Variants in GABBR2 observed in about 807,000 individuals in gnomAD.
GABBR2 encodes G-protein coupled receptor 51.
Under a neutral mutation model 105.6 loss-of-function variants are expected in GABBR2, and 23 were observed. The observed-to-expected ratio is 0.22, with a 90% CI of 0.16 to 0.31. GABBR2 has a LOEUF of 0.31. GABBR2 is among the 10% of genes least tolerant of loss of function. The probability of loss-of-function intolerance (pLI) is 1.00; values close to 1 mark genes in which losing one functional copy is unlikely to be tolerated. For synonymous variants in GABBR2, 478 were observed against 499.7 expected, an observed-to-expected ratio of 0.96 and a Z score of 0.58; for missense variants, 734 against 1,245.5, an observed-to-expected ratio of 0.59 and a Z score of 6.18.
chr9:98,397,414 T>C (rs1479486471), intron 8 of GABBR2, among the ~76,000 whole-genome samples: 1 of 152,128 alleles, frequency 6.6e-6, no homozygotes, highest in Admixed American at 6.5e-5. Flanking sequence ...ACAGAGATTT[T>C]TTTTTTAAAT....
At chr9:98,488,802 G>A (rs767359230) in intron 4 of GABBR2, among the ~76,000 whole-genome samples, 13 of 152,166 alleles carry the variant, frequency 8.5e-5, no homozygotes, top group Non-Finnish European at 1.9e-4. Flanking sequence ...GGGTGGACAC[G>A]AAGCTGGGAG....
chr9:98,475,154 A>C (rs1430882707), intron 5 of GABBR2, among the ~76,000 whole-genome samples: 2 of 152,112 alleles, frequency 1.3e-5, no homozygotes, highest in Non-Finnish European at 2.9e-5. Context: ...TAGACACTGT[A>C]CTTCTCATAA....
chr9:98,567,501 T>C (rs937489645), intron 2 of GABBR2, among the ~76,000 whole-genome samples: 2 of 152,224 alleles, frequency 1.3e-5, no homozygotes, highest in African/African-American at 4.8e-5. Flanking sequence ...ATCATCTTCA[T>C]GGTCGGTGAG....
intron 7 of GABBR2, among the ~76,000 whole-genome samples, chr9:98,441,354 GTTATTATTA>G (rs10551324): frequency 6.6e-6 from 1 of 151,508 alleles, no homozygotes; most frequent in Non-Finnish European, 1.5e-5. Flanking sequence ...TCTGAAGGAA[GTTATTATTA>G]TTATTATTAT....
chr9:98,701,132 C>T (rs1487210074), intron 1 of GABBR2, among the ~76,000 whole-genome samples: 1 of 152,156 alleles, frequency 6.6e-6, no homozygotes, highest in African/African-American at 2.4e-5. Context: ...CATCTCAGAC[C>T]TCTGTATGAA....
intron 1 of GABBR2, among the ~76,000 whole-genome samples, chr9:98,637,982 G>T (rs933197096): frequency 1.3e-5 from 2 of 152,156 alleles, no homozygotes; most frequent in Non-Finnish European, 2.9e-5. Context: ...AAAACTTAAG[G>T]ATAGGTGTTT....
At chr9:98,369,699 A>G (rs2131458828) in intron 12 of GABBR2, among the ~76,000 whole-genome samples, 1 of 151,672 alleles carries the variant, frequency 6.6e-6, no homozygotes, top group South Asian at 2.1e-4. Context: ...AACCAGAACA[A>G]CAGGCTCCAT....
rs570416907 is a variant in GABBR2 at position 98,588,519 on chromosome 9, A to G, written c.322-10447T>C. ...TGCTGTATATACACTAACTCACTTA[A>G]TCCTCCCAACAACCCTATGAACCAT... On this transcript the variant is annotated intron_variant, in intron 1 of 18. Transcript: ENST00000259455. Among the ~76,000 whole-genome samples the G allele has an allele frequency of 3.3e-5, 5 of 152,350 alleles. No homozygotes were observed. The East Asian group carries it at 9.6e-4, about 29-fold the overall frequency.
chr9:98,356,595 G>A (rs1009049985), intron 13 of GABBR2, among the ~76,000 whole-genome samples: 1 of 152,184 alleles, frequency 6.6e-6, no homozygotes, highest in Non-Finnish European at 1.5e-5. Context: ...TTTGGAAGAC[G>A]GTTTGGTAGT....
intron 1 of GABBR2, among the ~76,000 whole-genome samples, chr9:98,698,319 T>C (rs1830783074): frequency 6.6e-6 from 1 of 152,162 alleles, no homozygotes; most frequent in Non-Finnish European, 1.5e-5. Context: ...ATTTTCTAGA[T>C]GACAATGACA....
intron 3 of GABBR2, among the ~76,000 whole-genome samples, chr9:98,539,577 T>C (rs1379411915): frequency 1.3e-5 from 2 of 152,128 alleles, no homozygotes; most frequent in Non-Finnish European, 1.5e-5. Flanking sequence ...GTAGGAGATA[T>C]GTCTCTAAGG....
chr9:98,533,636 C>A (rs981457414), intron 3 of GABBR2, among the ~76,000 whole-genome samples: 2 of 152,192 alleles, frequency 1.3e-5, no homozygotes, highest in Non-Finnish European at 2.9e-5. Flanking sequence ...TCTCATCCCC[C>A]ATCCAGTGAC....
intron 2 of GABBR2, among the ~76,000 whole-genome samples, chr9:98,543,187 C>T (rs1828336697): frequency 6.6e-6 from 1 of 152,106 alleles, no homozygotes; most frequent in South Asian, 2.1e-4. Flanking sequence ...TTCCATAACA[C>T]TTCCTCTGAT....
intron 1 of GABBR2, among the ~76,000 whole-genome samples, chr9:98,654,168 C>T (rs767928496): frequency 1.2e-4 from 18 of 152,176 alleles, no homozygotes; most frequent in Admixed American, 3.3e-4. Flanking sequence ...TTGCACTGGT[C>T]GGGTACTTGT....
At chr9:98,630,176 C>A (rs1017327429) in intron 1 of GABBR2, among the ~76,000 whole-genome samples, 1 of 152,118 alleles carries the variant, frequency 6.6e-6, no homozygotes, top group Non-Finnish European at 1.5e-5. Context: ...TACCCTGGAA[C>A]AACAGACACA....
At chr9:98,466,400 C>G (rs906198772) in intron 6 of GABBR2, among the ~76,000 whole-genome samples, 2 of 152,064 alleles carry the variant, frequency 1.3e-5, no homozygotes, top group African/African-American at 4.8e-5. Flanking sequence ...TTTTTCTTGA[C>G]CTGGGTGGTA....
intron 3 of GABBR2, 24 bp downstream of exon 3, chr9:98,541,849 C>T (rs767361931): frequency 7.4e-6 from 12 of 1,611,164 alleles, no homozygotes; most frequent in East Asian, 6.7e-5. Flanking sequence ...TAAGGCAGGC[C>T]GTGTCCACAC....
At chr9:98,414,924 A>G (rs1832660827) in intron 7 of GABBR2, among the ~76,000 whole-genome samples, 1 of 152,234 alleles carries the variant, frequency 6.6e-6, no homozygotes, top group South Asian at 2.1e-4. Flanking sequence ...GGGTCCACGA[A>G]TGATCACGTG....
At chr9:98,352,098 G>A (rs962236212) in intron 13 of GABBR2, among the ~76,000 whole-genome samples, 1 of 152,220 alleles carries the variant, frequency 6.6e-6, no homozygotes, top group Non-Finnish European at 1.5e-5. Flanking sequence ...ATCAACATCA[G>A]TGATTGCTGT....
Sources: allele counts gnomAD v4.1 joint callset (sites outside exome capture counted in the v4.1 genomes callset), GRCh38; gene constraint gnomAD v4.1.1; transcripts MANE v1.5; gene names NCBI Gene and HGNC (gene_info 2026-07-23, HGNC 2026-07-21).